The following MBNL2 variants were observed in gnomAD, a reference collection of about 807,000 sequenced individuals.
The protein encoded by MBNL2 is muscleblind like splicing regulator 2.
In MBNL2, 17 loss-of-function variants were observed where a neutral mutation model predicts 41.9. The ratio of observed to expected loss-of-function variants is 0.41; its 90% confidence interval spans 0.28 to 0.61. The LOEUF (loss-of-function observed/expected upper bound fraction) is 0.61, where lower values mean the gene tolerates loss of function less well. MBNL2 is among the 20% of genes least tolerant of loss of function. The pLI is 0.35. For missense variants in MBNL2, 336 were observed against 505.6 expected, an observed-to-expected ratio of 0.66 and a Z score of 3.22; for synonymous variants, 195 against 182.9, an observed-to-expected ratio of 1.07 and a Z score of -0.53.
At chr13:97,347,676 G>A (rs1426602746) in intron 5 of MBNL2, among the ~76,000 whole-genome samples, 1 of 152,206 alleles carries the variant, frequency 6.6e-6, no homozygotes, top group Non-Finnish European at 1.5e-5. Context: ...AAGAAAAAAA[G>A]ACCTGTGACC....
At chr13:97,207,703 TAAAAAG>T in the MBNL2 span, among the ~76,000 whole-genome samples, 1 of 152,118 alleles carries the variant, frequency 6.6e-6, no homozygotes, top group African/African-American at 2.4e-5. Context: ...TTCTTACACT[TAAAAAG>T]AAATCATGCC....
intron 8 of MBNL2, among the ~76,000 whole-genome samples, chr13:97,388,568 G>C (rs891567777): frequency 4.6e-5 from 7 of 151,968 alleles, no homozygotes; most frequent in Non-Finnish European, 1.0e-4. Context: ...CTTTCCTCCT[G>C]TCCTGTGGGT....
At chr13:97,276,905 A>G (rs2052268832) in intron 2 of MBNL2, among the ~76,000 whole-genome samples, 1 of 152,144 alleles carries the variant, frequency 6.6e-6, no homozygotes, top group Non-Finnish European at 1.5e-5. Context: ...TACACGCTCA[A>G]TACTCAATAC....
At chr13:97,221,711 G>A (rs2040874011), upstream of MBNL2, among the ~76,000 whole-genome samples, 1 of 152,128 alleles carries the variant, frequency 6.6e-6, no homozygotes, top group Non-Finnish European at 1.5e-5. Context: ...CAAGTGGTCT[G>A]AAAACTTAGA....
intron 5 of MBNL2, among the ~76,000 whole-genome samples, chr13:97,353,266 T>A (rs1266254494): frequency 6.6e-6 from 1 of 152,202 alleles, no homozygotes; most frequent in African/African-American, 2.4e-5. Flanking sequence ...GACAATGACA[T>A]GAAAATTACT....
chr13:97,273,544 G>A (rs2051531680), intron 1 of MBNL2, among the ~76,000 whole-genome samples: 1 of 152,196 alleles, frequency 6.6e-6, no homozygotes, highest in Non-Finnish European at 1.5e-5. Flanking sequence ...AGTTTGCTAT[G>A]TGTCATAGCT....
At chr13:97,227,756 T>C (rs932996685) in intron 1 of MBNL2, among the ~76,000 whole-genome samples, 1 of 152,198 alleles carries the variant, frequency 6.6e-6, no homozygotes. Context: ...AATGCCTTCA[T>C]GGGCAGCGTG....
At chr13:97,348,178 G>T (rs2062071082) in intron 5 of MBNL2, among the ~76,000 whole-genome samples, 1 of 149,540 alleles carries the variant, frequency 6.7e-6, no homozygotes, top group Non-Finnish European at 1.5e-5. Context: ...GGGCTCAAGT[G>T]ATCCTCCCAC....
At position 97,334,365 on chromosome 13, in the gene MBNL2, T is replaced by C. The variant is rs904881791; in HGVS notation, c.264T>C (p.Ile88=). The part of the protein sequence containing the change: ...QLEINGRNNL[I]QQKTAAAMLA... ...AAATTAATGGAAGGAACAATTTGAT[T>C]CAGCAAAAAACTGCAGCAGCAATGC... The change falls in exon 3 of 9, where the codon ATT becomes ATC. Residue 88 remains isoleucine, a synonymous_variant. Coordinates refer to ENST00000679496, the MANE Select transcript of MBNL2 (RefSeq NM_001382683.1). The surrounding 1 kb of genome is among the most constrained non-coding windows in gnomAD (Gnocchi z 5.3). The C allele has an allele frequency of 3.1e-6, 5 of 1,613,616 alleles. No individual in the cohort carries two copies. In the African/African-American group the frequency reaches 5.3e-5, roughly 17 times the overall value.
the MBNL2 span, among the ~76,000 whole-genome samples, chr13:97,169,088 A>T: frequency 1.3e-5 from 2 of 152,158 alleles, no homozygotes; most frequent in Non-Finnish European, 2.9e-5. Flanking sequence ...TCTTTCAGAA[A>T]TGTACAGGGT....
chr13:97,167,627 G>A, the MBNL2 span, among the ~76,000 whole-genome samples: 2 of 151,970 alleles, frequency 1.3e-5, no homozygotes, highest in South Asian at 4.2e-4. Flanking sequence ...ATTTAGGTGG[G>A]TAATAGCTAA....
chr13:97,147,566 C>G, the MBNL2 span, among the ~76,000 whole-genome samples: 3 of 152,140 alleles, frequency 2.0e-5, no homozygotes, highest in Admixed American at 6.5e-5. Flanking sequence ...ACATCCATTT[C>G]TCATGTTGTT....
At chr13:97,362,074 T>G (rs1265197633) in intron 7 of MBNL2, among the ~76,000 whole-genome samples, 1 of 152,036 alleles carries the variant, frequency 6.6e-6, no homozygotes, top group Non-Finnish European at 1.5e-5. Context: ...GCCCAGCCAT[T>G]TTTTTATGAG....
chr13:97,184,851 T>C, the MBNL2 span, among the ~76,000 whole-genome samples: 131,102 of 152,192 alleles, frequency 0.86, 56,874 homozygotes, highest in African/African-American at 0.96. Flanking sequence ...TCCTCCATCT[T>C]TTCCCTGAGT....
intron 2 of MBNL2, among the ~76,000 whole-genome samples, chr13:97,284,521 T>C (rs1403518793): frequency 6.6e-6 from 1 of 152,236 alleles, no homozygotes; most frequent in Non-Finnish European, 1.5e-5. Flanking sequence ...TTCTTTGGTA[T>C]GACCTCATCT....
intron 8 of MBNL2, among the ~76,000 whole-genome samples, chr13:97,385,858 G>T (rs2065881072): frequency 1.3e-5 from 2 of 152,280 alleles, no homozygotes; most frequent in South Asian, 4.1e-4. Flanking sequence ...TAAGTTCATG[G>T]TGCTGATTAG....
intron 2 of MBNL2, among the ~76,000 whole-genome samples, chr13:97,333,075 G>C (rs2060562232): frequency 6.6e-6 from 1 of 152,170 alleles, no homozygotes; most frequent in African/African-American, 2.4e-5. Flanking sequence ...CAGATGTTTA[G>C]AATTAGGATG....
intron 2 of MBNL2, among the ~76,000 whole-genome samples, chr13:97,295,429 G>A (rs1024474388): frequency 2.0e-5 from 3 of 152,084 alleles, no homozygotes; most frequent in Non-Finnish European, 4.4e-5. Flanking sequence ...CTGTGCCAGC[G>A]TTGAAATATT....
the MBNL2 span, among the ~76,000 whole-genome samples, chr13:97,199,086 T>A: frequency 2.0e-5 from 3 of 152,108 alleles, no homozygotes; most frequent in Non-Finnish European, 4.4e-5. Flanking sequence ...ACCTTTCTCC[T>A]TGGCCAAGAG....
Sources: allele counts gnomAD v4.1 joint callset (sites outside exome capture counted in the v4.1 genomes callset), GRCh38; gene constraint gnomAD v4.1.1; non-coding constraint Gnocchi (gnomAD v3.1); transcripts MANE v1.5; gene names NCBI Gene and HGNC (gene_info 2026-07-23, HGNC 2026-07-21).